The following CDH4 variants were observed in gnomAD, a reference collection of about 807,000 sequenced individuals.
CDH4 encodes the protein cadherin-4.
CDH4 carries 33 observed loss-of-function variants against 86.0 expected under a neutral mutation model. The observed-to-expected ratio is 0.38, with a 90% CI of 0.29 to 0.51. CDH4 has a LOEUF of 0.51. CDH4 is among the 20% of genes least tolerant of loss of function. The probability of loss-of-function intolerance (pLI) is 0.86; values close to 1 mark genes in which losing one functional copy is unlikely to be tolerated. For synonymous variants in CDH4, 555 were observed against 549.4 expected (o/e 1.01, Z -0.14); for missense variants, 1,114 against 1,307.4 (o/e 0.85, Z 2.28).
chr20:61,374,609 C>T (rs1403858151), intron 2 of CDH4, among the ~76,000 whole-genome samples: 1 of 152,198 alleles, frequency 6.6e-6, no homozygotes, highest in Non-Finnish European at 1.5e-5. Context: ...AAGTTCTAAG[C>T]ACCCCCCAAC....
Position 61,715,582 on chromosome 20 carries a change from T to G in CDH4, c.170-27981T>G, listed in dbSNP as rs141819195. On this transcript the variant is annotated intron_variant, in intron 2 of 15. Transcript: ENST00000614565. ...GGCAGAGCCCTGATTAATCCATTCATGTGGGTAGAAGGATTAAGTTTCCAA... is the reference window on the plus strand; with the variant it reads ...GGCAGAGCCCTGATTAATCCATTCAGGTGGGTAGAAGGATTAAGTTTCCAA... 2.8e-3 allele frequency among the ~76,000 whole-genome samples: 421 copies of G among 152,348 alleles called. 4 individuals carry two copies. Among genetic ancestry groups the G allele is most frequent in the African/African-American group, 9.8e-3 (408 of 41,594 alleles).
intron 2 of CDH4, among the ~76,000 whole-genome samples, chr20:61,293,283 G>C (rs1329078716): frequency 6.6e-6 from 1 of 152,204 alleles, no homozygotes; most frequent in African/African-American, 2.4e-5. Context: ...GGGTGGATGA[G>C]AGTGGTCTCA....
At chr20:61,899,902 G>A (rs1161293126) in intron 8 of CDH4, among the ~76,000 whole-genome samples, 1 of 152,210 alleles carries the variant, frequency 6.6e-6, no homozygotes, top group Non-Finnish European at 1.5e-5. Flanking sequence ...GTTAAAAATG[G>A]TTTTGCCAGA....
chr20:61,311,046 G>A (rs947900317), intron 2 of CDH4, among the ~76,000 whole-genome samples: 1 of 152,196 alleles, frequency 6.6e-6, no homozygotes, highest in Non-Finnish European at 1.5e-5. Flanking sequence ...CACAGTGGAG[G>A]CGGGTGGTGT....
intron 10 of CDH4, 22 bp from the exon 11 acceptor site, chr20:61,924,312 C>G: frequency 3.7e-6 from 6 of 1,608,030 alleles, no homozygotes; most frequent in South Asian, 3.3e-5. Flanking sequence ...CTTACCTCCC[C>G]CTGCACTTGT....
intron 2 of CDH4, among the ~76,000 whole-genome samples, chr20:61,467,011 C>G (rs2085476025): frequency 6.6e-6 from 1 of 152,234 alleles, no homozygotes; most frequent in Non-Finnish European, 1.5e-5. Context: ...GTGGTGTTCT[C>G]ACTGGTTTTA....
chr20:61,528,879 C>T (rs6061599), intron 2 of CDH4, among the ~76,000 whole-genome samples: 39,427 of 150,904 alleles, frequency 0.26, 6,641 homozygotes, highest in African/African-American at 0.48. Flanking sequence ...ACCAGTGCAC[C>T]GCCCTTGTCC....
chr20:61,354,177 C>G (rs1206982931), intron 2 of CDH4, among the ~76,000 whole-genome samples: 3 of 152,038 alleles, frequency 2.0e-5, no homozygotes, highest in Non-Finnish European at 1.5e-5. Context: ...AGGACGCCCC[C>G]CACCCCCCAG....
intron 7 of CDH4, among the ~76,000 whole-genome samples, chr20:61,877,533 G>A (rs1984086146): frequency 6.6e-6 from 1 of 152,206 alleles, no homozygotes. Context: ...TCCGCTGTGT[G>A]TGCCTGGGGA....
At chr20:61,579,818 G>A (rs1460847318) in intron 2 of CDH4, among the ~76,000 whole-genome samples, 1 of 152,028 alleles carries the variant, frequency 6.6e-6, no homozygotes, top group East Asian at 1.9e-4. Flanking sequence ...GAAGTGTAAG[G>A]CTGAGTACCA....
At chr20:61,831,472 G>A (rs1981610562) in intron 4 of CDH4, among the ~76,000 whole-genome samples, 3 of 152,244 alleles carry the variant, frequency 2.0e-5, no homozygotes, top group Admixed American at 6.5e-5. Context: ...CCTCCAGGAC[G>A]GGTGAGTCCC....
intron 2 of CDH4, among the ~76,000 whole-genome samples, chr20:61,730,518 G>A (rs2088166358): frequency 6.6e-6 from 1 of 152,204 alleles, no homozygotes; most frequent in Non-Finnish European, 1.5e-5. Flanking sequence ...TAAGGGAAAT[G>A]GAACTTGTGC....
At position 61,671,498 on chromosome 20, in the gene CDH4, G is replaced by GA. The variant is rs1262480462; in HGVS notation, c.170-72057dup. Among the ~76,000 whole-genome samples the GA allele has an allele frequency of 4.6e-5, 7 of 151,782 alleles. No homozygotes were observed. The East Asian group carries it at 9.7e-4, about 21-fold the overall frequency. ...GCAACAGAGTGAGACCTGGTCTCTAGAAAAAAAAGAATAAGTGGATGGATA... is the reference window on the plus strand; with the variant it reads ...GCAACAGAGTGAGACCTGGTCTCTAGAAAAAAAAAGAATAAGTGGATGGATA... On this transcript the variant is annotated intron_variant, in intron 2 of 15. Coordinates refer to ENST00000614565, the MANE Select transcript of CDH4 (RefSeq NM_001794.5).
chr20:61,565,196 G>A (rs1416802743), intron 2 of CDH4, among the ~76,000 whole-genome samples: 7 of 54,224 alleles, frequency 1.3e-4, no homozygotes, highest in African/African-American at 4.6e-4. Flanking sequence ...GGTCCTCTTG[G>A]TGGTGGTCGC....
chr20:61,744,457 AG>A (rs2088386467), intron 3 of CDH4, among the ~76,000 whole-genome samples: 1 of 52,680 alleles, frequency 1.9e-5, no homozygotes, highest in Non-Finnish European at 3.6e-5. Context: ...AGGGAGAGAG[AG>A]AAGGAGGGAG....
chr20:61,742,767 G>A lies in CDH4; in HGVS notation c.170-796G>A, dbSNP rs556937949. Among the ~76,000 whole-genome samples the A allele has an allele frequency of 4.6e-5, 7 of 152,334 alleles. No individual in the cohort carries two copies. In the South Asian group the frequency reaches 1.0e-3, roughly 23 times the overall value. On this transcript the variant is annotated intron_variant, in intron 2 of 15. Coordinates refer to ENST00000614565, the MANE Select transcript of CDH4 (RefSeq NM_001794.5). ...TGCGCCTCTGGAGGTGTCTTTTTCT[G>A]CAGCAGAATTAGAGATGGCCATGAT... is the stretch of plus-strand genomic sequence containing the variant.
In CDH4 at chr20:61,501,244, A is replaced by T. The variant is rs1180907531; in HGVS notation, c.170-242319A>T. Among the ~76,000 whole-genome samples the T allele has an allele frequency of 6.6e-6, 1 of 152,182 alleles. No homozygotes were observed. The highest frequency in any genetic ancestry group is 2.4e-5 in the African/African-American group (1 of 41,440). ...CCTTATCTGATGTTTAGAGCTTCAT[A>T]GTTTAAATGGCAATCATTCCTTGAA... is the stretch of plus-strand genomic sequence containing the variant. On this transcript the variant is annotated intron_variant, in intron 2 of 15. Coordinates refer to ENST00000614565, the MANE Select transcript of CDH4 (RefSeq NM_001794.5). This position sits in a 1 kb window ranked among gnomAD's most constrained non-coding sequence, Gnocchi z 4.2.
At chr20:61,705,491 C>A (rs752738416) in intron 2 of CDH4, among the ~76,000 whole-genome samples, 21 of 152,248 alleles carry the variant, frequency 1.4e-4, no homozygotes, top group Non-Finnish European at 3.1e-4. Flanking sequence ...GCCCCAGTGG[C>A]CATCTTCACA....
chr20:61,897,220 G>A (rs1985171148), intron 8 of CDH4, among the ~76,000 whole-genome samples: 1 of 152,152 alleles, frequency 6.6e-6, no homozygotes, highest in African/African-American at 2.4e-5. Context: ...GGGCATTGTG[G>A]TCCTAAATCC....
Sources: gnomAD v4.1 joint callset for allele counts (sites outside exome capture counted in the v4.1 genomes callset) on GRCh38, gnomAD v4.1.1 for gene constraint, Gnocchi (gnomAD v3.1) non-coding constraint, MANE v1.5 for transcripts, NCBI Gene and HGNC (gene_info 2026-07-23, HGNC 2026-07-21) for gene names.